Variants in MRM3 observed in about 807,000 individuals in gnomAD.
The protein encoded by MRM3 is rRNA methyltransferase 3, mitochondrial.
MRM3 carries 26 observed loss-of-function variants against 29.4 expected under a neutral mutation model. The observed-to-expected ratio is 0.89, with a 90% confidence interval of 0.65 to 1.23. The LOEUF (loss-of-function observed/expected upper bound fraction) is 1.23, where lower values mean the gene tolerates loss of function less well. Among genes scored for constraint, MRM3 ranks in the 50% most tolerant of loss-of-function variants. The probability of loss-of-function intolerance (pLI) is 0.00; values close to 1 mark genes in which losing one functional copy is unlikely to be tolerated. For synonymous variants in MRM3, 225 were observed against 219.0 expected (o/e 1.03, Z -0.24); for missense variants, 578 against 540.2 (o/e 1.07, Z -0.69).
intron 2 of MRM3, 132 bp downstream of exon 2, chr17:783,459 C>T: frequency 3.4e-6 from 3 of 895,382 alleles, no homozygotes; most frequent in East Asian, 5.7e-5. Context: ...GCCTCAGCCT[C>T]CGCAGTAGCT....
In MRM3 at chr17:791,799, A is replaced by C. The variant is rs760801361; in HGVS notation, c.993A>C (p.Gln331His). ...AAGATGTAGAAACCGGAGCCAGTCAAGATTGGCTGCCTCATGTTGAGGTTC... is the reference window on the plus strand; with the variant it reads ...AAGATGTAGAAACCGGAGCCAGTCACGATTGGCTGCCTCATGTTGAGGTTC... The part of the protein sequence containing the change: ...EEEDVETGAS[Q>H]DWLPHVEVQS... The change falls in exon 4 of 4, where the codon CAA becomes CAC. Residue 331 changes from glutamine to histidine, a missense_variant. Coordinates refer to ENST00000304478, the MANE Select transcript of MRM3 (RefSeq NM_018146.4). 173 of 1,614,092 alleles carry C rather than the reference A, an allele frequency of 1.1e-4. No individual in the cohort carries two copies. The highest frequency in any genetic ancestry group is 1.4e-4 in the Non-Finnish European group (164 of 1,180,052).
chr17:786,186 C>T (rs1910525324), intron 2 of MRM3, among the ~76,000 whole-genome samples: 1 of 152,230 alleles, frequency 6.6e-6, no homozygotes, highest in Admixed American at 6.5e-5. Flanking sequence ...CTGCAACCTC[C>T]ACCTCCTGGG....
chr17:787,681 TG>T lies in MRM3; in HGVS notation c.560-281del, dbSNP rs1454117140. 4.6e-5 allele frequency among the ~76,000 whole-genome samples: 7 copies of T among 152,320 alleles called. No homozygotes were observed. The East Asian group carries it at 1.4e-3, about 29-fold the overall frequency. On this transcript the variant is annotated intron_variant, in intron 2 of 3. Transcript: ENST00000304478. The surrounding 1 kb of genome is among the most constrained non-coding windows in gnomAD (Gnocchi z 4.1). The stretch of plus-strand genomic sequence containing the variant: ...CTCCTGCCTCAGCCTCCCAGGTAGC[TG>T]GGACTAGAGGCATGCGCCACCACGC...
At position 782,400 on chromosome 17, in the gene MRM3, G is replaced by C; in HGVS notation, c.22G>C (p.Ala8Pro). The change falls in exon 1 of 4, where the codon GCG becomes CCG. Residue 8 changes from alanine to proline, a missense_variant. Transcript: ENST00000304478. ...GAACATGGCGGCGCTGGTGAGACCC[G>C]CGAGGTTTGTCGTGCGACCGTTGCT... MAALVRP[A>P]RFVVRPLLQV... 1 of 1,613,366 alleles carries C rather than the reference G, an allele frequency of 6.2e-7. No homozygotes were observed. Among genetic ancestry groups the C allele is most frequent in the Non-Finnish European group, 8.5e-7 (1 of 1,179,802 alleles).
Position 792,023 on chromosome 17 carries a change from T to TCTA in MRM3, c.1217_1218insCTA (p.Leu406_Arg407insTer). On this transcript the variant is annotated stop_gained and inframe_insertion, in exon 4 of 4. Transcript: ENST00000304478. LOFTEE classifies it high-confidence loss of function. ...CTGCTTTTCGAAGGGAAAAGACAGC[T>TCTA]GCGGGGGAGGGCGGAGGACTTGAGC... The TCTA allele has an allele frequency of 1.2e-6, 2 of 1,613,380 alleles. No individual in the cohort carries two copies. The highest frequency in any genetic ancestry group is 1.7e-6 in the Non-Finnish European group (2 of 1,179,786).
Position 791,817 on chromosome 17 carries a change from T to G in MRM3, c.1011T>G (p.Val337=), listed in dbSNP as rs1271139907. 1.2e-6 allele frequency: 2 copies of G among 1,614,062 alleles called. No homozygotes were observed. The highest frequency in any genetic ancestry group is 1.7e-6 in the Non-Finnish European group (2 of 1,180,040). Residue 337 remains valine (V), a synonymous_variant, in exon 4 of 4, where the codon GTT becomes GTG. Transcript: ENST00000304478. The part of the protein sequence containing the change: ...TGASQDWLPH[V]EVQSYDSDWT... The stretch of plus-strand genomic sequence containing the variant: ...CCAGTCAAGATTGGCTGCCTCATGT[T>G]GAGGTTCAGAGTTACGACTCGGACT...
In MRM3 at chr17:787,694, A is replaced by G. The variant is rs568715219; in HGVS notation, c.560-271A>G. ...CTCCCAGGTAGCTGGGACTAGAGGC[A>G]TGCGCCACCACGCCTGGCTAATCTT... is the stretch of plus-strand genomic sequence containing the variant. On this transcript the variant is annotated intron_variant, in intron 2 of 3. Coordinates refer to ENST00000304478, the MANE Select transcript of MRM3 (RefSeq NM_018146.4). This position sits in a 1 kb window ranked among gnomAD's most constrained non-coding sequence, Gnocchi z 4.1. 7.2e-5 allele frequency among the ~76,000 whole-genome samples: 11 copies of G among 152,306 alleles called. No homozygotes were observed. The highest frequency in any genetic ancestry group is 2.6e-4 in the African/African-American group (11 of 41,572).
Position 783,347 on chromosome 17 carries a change from A to T in MRM3, c.559+20A>T, listed in dbSNP as rs1173264358. On this transcript the variant is annotated intron_variant, in intron 2 of 3. Coordinates refer to ENST00000304478, the MANE Select transcript of MRM3 (RefSeq NM_018146.4). ...TAATGGGTTAGTGATTACCCAGTGT[A>T]TCTTTTTTTTTTTTTGTCTTGTTCT... 2.4e-5 allele frequency: 35 copies of T among 1,444,798 alleles called. No individual in the cohort carries two copies. The East Asian group carries it at 4.5e-4, about 18-fold the overall frequency. 89.5% of individuals were successfully genotyped at this position (1,444,798 alleles called of 1,614,324 possible).
rs1292453157 is a variant in MRM3 at position 792,273 on chromosome 17, T to G, written c.*204T>G. 1 of 541,488 alleles carries G rather than the reference T, an allele frequency of 1.8e-6. No individual in the cohort carries two copies. The highest frequency in any genetic ancestry group is 1.9e-5 in the African/African-American group (1 of 52,618). 33.5% of individuals were successfully genotyped at this position (541,488 alleles called of 1,614,324 possible). On this transcript the variant is annotated 3_prime_UTR_variant, in exon 4 of 4. Coordinates refer to ENST00000304478, the MANE Select transcript of MRM3 (RefSeq NM_018146.4). Reference sequence around the variant, plus strand: ...TGTCGCGTCACTGATTTTGAGGTTCTTTTTTCTCTTGGTGACAATAGGTGA... The same window carrying G: ...TGTCGCGTCACTGATTTTGAGGTTCGTTTTTCTCTTGGTGACAATAGGTGA...
chr17:783,481 C>T (rs1910343900), intron 2 of MRM3, 154 bp downstream of exon 2: 2 of 672,056 alleles, frequency 3.0e-6, no homozygotes, highest in Non-Finnish European at 4.7e-6. Flanking sequence ...GGATTACAGG[C>T]GTCTGCCACC....
At chr17:786,234 G>C (rs935502397) in intron 2 of MRM3, among the ~76,000 whole-genome samples, 1 of 152,216 alleles carries the variant, frequency 6.6e-6, no homozygotes, top group Non-Finnish European at 1.5e-5. Context: ...CTGAGTAGCT[G>C]GGATTACAGG....
Position 787,263 on chromosome 17 carries a change from T to A in MRM3, c.560-702T>A, listed in dbSNP as rs1014264002. The stretch of plus-strand genomic sequence containing the variant: ...AGTGGGACTCTGTCTCAAAAAAAAA[T>A]AGCCTACAGCAGTTAAAGGAAAAAA... On this transcript the variant is annotated intron_variant, in intron 2 of 3. Coordinates refer to ENST00000304478, the MANE Select transcript of MRM3 (RefSeq NM_018146.4). This position sits in a 1 kb window ranked among gnomAD's most constrained non-coding sequence, Gnocchi z 4.1. Among the ~76,000 whole-genome samples the A allele has an allele frequency of 1.3e-5, 2 of 151,566 alleles. No homozygotes were observed. Among genetic ancestry groups the A allele is most frequent in the African/African-American group, 2.4e-5 (1 of 41,174 alleles).
Position 782,682 on chromosome 17 carries a change from A to C in MRM3, c.304A>C (p.Arg102=), listed in dbSNP as rs747814287. The C allele has an allele frequency of 2.5e-6, 4 of 1,598,936 alleles. No individual in the cohort carries two copies. The highest frequency in any genetic ancestry group is 3.4e-6 in the Non-Finnish European group (4 of 1,168,914). Residue 102 remains arginine, a synonymous_variant, in exon 1 of 4, where the codon AGG becomes CGG. Coordinates refer to ENST00000304478, the MANE Select transcript of MRM3 (RefSeq NM_018146.4). ...CTACGATAAAGCTTATCCCGGGGAC[A>C]GGAGGCTGAGGTGATGTGGTTCTTG... The part of the protein sequence containing the change: ...LRYDKAYPGD[R]RLSSVMTIVK...
chr17:783,460 C>T (rs1216447624), intron 2 of MRM3, 133 bp downstream of exon 2: 17 of 888,486 alleles, frequency 1.9e-5, no homozygotes, highest in Non-Finnish European at 9.8e-6. Flanking sequence ...CCTCAGCCTC[C>T]GCAGTAGCTG....
chr17:790,114 C>T (rs3786062), intron 3 of MRM3: 2,576 of 152,450 alleles, frequency 0.017, 35 homozygotes, highest in East Asian at 0.058. Flanking sequence ...TCTAAAATAA[C>T]TCGTCAGGAG....
At chr17:788,905 G>C (rs1428923351) in intron 3 of MRM3, among the ~76,000 whole-genome samples, 1 of 152,236 alleles carries the variant, frequency 6.6e-6, no homozygotes, top group African/African-American at 2.4e-5. Flanking sequence ...TGGTCACTGT[G>C]AGGATTAAGT....
chr17:791,427 T>C lies in MRM3; in HGVS notation c.728-107T>C, dbSNP rs1424432109. 11 of 1,161,134 alleles carry C rather than the reference T, an allele frequency of 9.5e-6. No homozygotes were observed. The East Asian group carries it at 1.0e-4, about 11-fold the overall frequency. 71.9% of individuals were successfully genotyped at this position (1,161,134 alleles called of 1,614,324 possible). On this transcript the variant is annotated intron_variant, in intron 3 of 3. Coordinates refer to ENST00000304478, the MANE Select transcript of MRM3 (RefSeq NM_018146.4). ...GTCCCATCCCTCAAGAAAGCTATCA[T>C]AGAAGAACTGGTTTATCTCCTGATC...
At chr17:788,695 G>A (rs1049400180) in intron 3 of MRM3, among the ~76,000 whole-genome samples, 6 of 152,110 alleles carry the variant, frequency 3.9e-5, no homozygotes, top group Admixed American at 1.3e-4. Context: ...TTCACTAGCT[G>A]TGGTCCCTGA....
chr17:783,406 G>A (rs1466383470), intron 2 of MRM3, 79 bp downstream of exon 2: 3 of 1,390,350 alleles, frequency 2.2e-6, no homozygotes, highest in East Asian at 5.0e-5. Flanking sequence ...GCGCGATCTC[G>A]GCCCACTGCA....
Sources: allele counts gnomAD v4.1 joint callset (sites outside exome capture counted in the v4.1 genomes callset), GRCh38; gene constraint gnomAD v4.1.1; non-coding constraint Gnocchi (gnomAD v3.1); transcripts MANE v1.5; gene names NCBI Gene and HGNC (gene_info 2026-07-23, HGNC 2026-07-21).